ATP5F1C: variants seen among roughly 807,000 people sequenced by gnomAD.
ATP5F1C encodes ATP synthase F1 subunit gamma.
A neutral mutation model predicts 37.4 loss-of-function variants in ATP5F1C; 22 were observed. The observed-to-expected ratio is 0.59, with a 90% CI of 0.42 to 0.84. ATP5F1C has a LOEUF of 0.84. Ranked by LOEUF, ATP5F1C falls within the 40% of genes least tolerant of loss-of-function variation. The probability of loss-of-function intolerance (pLI) is 0.00; values close to 1 mark genes in which losing one functional copy is unlikely to be tolerated. For missense variants in ATP5F1C, 286 were observed against 362.4 expected (o/e 0.79, Z 1.71); for synonymous variants, 121 against 128.0 (o/e 0.95, Z 0.37).
rs563657002 is a variant in ATP5F1C, at chr10:7,795,945, G to A, written c.57-176G>A. Among the ~76,000 whole-genome samples the A allele has an allele frequency of 3.9e-4, 60 of 152,196 alleles. No homozygotes were observed. The South Asian group carries it at 0.012, about 31-fold the overall frequency. ...GGAGGCCTTCAATACAGGGATTTGCGCCACTACTAAGGGATTTAAATATAT... is the reference window on the plus strand; with the variant it reads ...GGAGGCCTTCAATACAGGGATTTGCACCACTACTAAGGGATTTAAATATAT... On this transcript the variant is annotated intron_variant, in intron 1 of 9. Coordinates refer to ENST00000356708, the MANE Select transcript of ATP5F1C (RefSeq NM_001001973.3).
chr10:7,792,591 C>T (rs1836179607), intron 1 of ATP5F1C, among the ~76,000 whole-genome samples: 1 of 151,120 alleles, frequency 6.6e-6, no homozygotes, highest in African/African-American at 2.5e-5. Context: ...TGTCACATAG[C>T]CAGAATCATA....
intron 1 of ATP5F1C, among the ~76,000 whole-genome samples, chr10:7,788,591 C>G (rs913490662): frequency 2.0e-5 from 3 of 152,202 alleles, no homozygotes; most frequent in African/African-American, 7.2e-5. Flanking sequence ...ACTTCCTGAG[C>G]TTCCACTTCC....
At chr10:7,798,922 T>C (rs1237709938) in intron 3 of ATP5F1C, 68 bp from the exon 4 acceptor site, 1 of 1,445,424 alleles carries the variant, frequency 6.9e-7, no homozygotes, top group Non-Finnish European at 9.6e-7. Context: ...AACTGCTTTG[T>C]AAATTAGAGA....
chr10:7,796,841 C>T (rs1836248261), intron 2 of ATP5F1C: 3 of 413,018 alleles, frequency 7.3e-6, no homozygotes, highest in South Asian at 3.8e-5. Flanking sequence ...ACCTCAGCCT[C>T]CCAAAGTGCT....
intron 1 of ATP5F1C, among the ~76,000 whole-genome samples, chr10:7,795,133 C>T (rs1836217502): frequency 6.6e-6 from 1 of 152,096 alleles, no homozygotes; most frequent in Non-Finnish European, 1.5e-5. Context: ...AACCAATTTG[C>T]TTTTTTTGAT....
At chr10:7,793,392 G>A (rs755346948) in intron 1 of ATP5F1C, among the ~76,000 whole-genome samples, 2 of 152,218 alleles carry the variant, frequency 1.3e-5, no homozygotes, top group African/African-American at 4.8e-5. Flanking sequence ...GATTATAGGC[G>A]TGAGCCACCG....
At chr10:7,799,254 CA>C in intron 4 of ATP5F1C, 60 bp downstream of exon 4, 2 of 1,517,232 alleles carry the variant, frequency 1.3e-6, no homozygotes, top group South Asian at 2.3e-5. Flanking sequence ...AATCTTCTCT[CA>C]AAAGTTTTGA....
intron 3 of ATP5F1C, among the ~76,000 whole-genome samples, chr10:7,798,200 G>C (rs955753861): frequency 6.6e-6 from 1 of 151,766 alleles, no homozygotes; most frequent in East Asian, 1.9e-4. Context: ...TTTTTTATGT[G>C]TGTGTGTGTG....
chr10:7,793,366 C>A lies in ATP5F1C; in HGVS notation c.57-2755C>A, dbSNP rs552014078. Among the ~76,000 whole-genome samples, 59 of 152,362 alleles carry A rather than the reference C, an allele frequency of 3.9e-4. No individual in the cohort carries two copies. The South Asian group carries it at 0.012, about 30-fold the overall frequency. ...TGACCTCGTGATCCGCCTGCCTCGG[C>A]CTCCCAAAGTGCTGGGATTATAGGC... is the stretch of plus-strand genomic sequence containing the variant. On this transcript the variant is annotated intron_variant, in intron 1 of 9. Transcript: ENST00000356708.
At position 7,788,190 on chromosome 10, in the gene ATP5F1C, A is replaced by G. The variant is rs1272292371; in HGVS notation, c.-18A>G. ...GCTGAGGCCTGCCTGACCGACCTTCAGCAGGGCTGTGGCTACCATGTTCTC... is the reference window on the plus strand; with the variant it reads ...GCTGAGGCCTGCCTGACCGACCTTCGGCAGGGCTGTGGCTACCATGTTCTC... On this transcript the variant is annotated 5_prime_UTR_variant, in exon 1 of 10. Transcript: ENST00000356708. 8 of 1,612,770 alleles carry G rather than the reference A, an allele frequency of 5.0e-6. No individual in the cohort carries two copies. Among genetic ancestry groups the G allele is most frequent in the Admixed American group, 1.7e-5 (1 of 59,982 alleles).
chr10:7,799,831 T>C lies in ATP5F1C; in HGVS notation c.488T>C (p.Phe163Ser), dbSNP rs754385028. 1.9e-6 allele frequency: 3 copies of C among 1,614,206 alleles called. No individual in the cohort carries two copies. The highest frequency in any genetic ancestry group is 2.2e-5 in the East Asian group (1 of 44,880). The part of the protein sequence containing the change: ...FKEVGRKPPT[F>S]GDASVIALEL... ...GAAGTGGGAAGAAAGCCCCCCACTT[T>C]TGGAGATGCGTCAGTCATTGCCCTT... The change falls in exon 5 of 10, where the codon TTT becomes TCT. Residue 163 changes from phenylalanine to serine, a missense_variant. Phe to Ser is a radical substitution (Grantham distance 155, BLOSUM62 -2). Coordinates refer to ENST00000356708, the MANE Select transcript of ATP5F1C (RefSeq NM_001001973.3).
intron 9 of ATP5F1C, 30 bp downstream of exon 9, chr10:7,807,040 T>C: frequency 6.3e-7 from 1 of 1,587,258 alleles, no homozygotes; most frequent in Non-Finnish European, 8.6e-7. Flanking sequence ...CCCATGTCTG[T>C]TCAGAAAAGA....
At chr10:7,799,689 A>G (rs1836313670) in intron 4 of ATP5F1C, 83 bp from the exon 5 acceptor site, 2 of 1,514,702 alleles carry the variant, frequency 1.3e-6, no homozygotes, top group Non-Finnish European at 1.8e-6. Context: ...CCATGGTGAC[A>G]ATGTTTTCTC....
At chr10:7,796,647 C>T (rs1836241223) in intron 2 of ATP5F1C, 1 of 154,878 alleles carries the variant, frequency 6.5e-6, no homozygotes, top group Non-Finnish European at 1.4e-5. Flanking sequence ...TGCAGTGGCG[C>T]CATCTCGGCT....
At chr10:7,788,994 T>C (rs1836108584) in intron 1 of ATP5F1C, among the ~76,000 whole-genome samples, 1 of 151,934 alleles carries the variant, frequency 6.6e-6, no homozygotes, top group Non-Finnish European at 1.5e-5. Flanking sequence ...CGGTGGGCTT[T>C]TAAGTGGCAT....
chr10:7,791,134 T>C (rs544742618), intron 1 of ATP5F1C, among the ~76,000 whole-genome samples: 3 of 152,172 alleles, frequency 2.0e-5, no homozygotes, highest in African/African-American at 7.2e-5. Context: ...ACCCTGTCTG[T>C]ACTAAAAATA....
chr10:7,799,704 C>T (rs1271285976), intron 4 of ATP5F1C, 68 bp from the exon 5 acceptor site: 4 of 1,568,926 alleles, frequency 2.5e-6, no homozygotes, highest in South Asian at 1.1e-5. Context: ...TTTCTCCTGC[C>T]TGTCCCCTGT....
At chr10:7,802,619 T>A in intron 7 of ATP5F1C, 139 bp from the exon 8 acceptor site, 3 of 1,094,164 alleles carry the variant, frequency 2.7e-6, no homozygotes, top group Non-Finnish European at 2.6e-6. Context: ...GATGTAAAAA[T>A]ATCTTCATAA....
intron 1 of ATP5F1C, among the ~76,000 whole-genome samples, chr10:7,794,188 G>C (rs1339086265): frequency 6.6e-6 from 1 of 152,174 alleles, no homozygotes; most frequent in African/African-American, 2.4e-5. Flanking sequence ...TGCTGCAGAG[G>C]AATGCAACTA....
Sources: gnomAD v4.1 joint callset for allele counts (sites outside exome capture counted in the v4.1 genomes callset) on GRCh38, gnomAD v4.1.1 for gene constraint, MANE v1.5 for transcripts, NCBI Gene and HGNC (gene_info 2026-07-23, HGNC 2026-07-21) for gene names.